HERC1: variants seen among roughly 807,000 people sequenced by gnomAD.
HERC1 encodes the protein probable E3 ubiquitin-protein ligase HERC1.
HERC1 carries 160 observed loss-of-function variants against 554.3 expected under a neutral mutation model. The ratio of observed to expected loss-of-function variants is 0.29; its 90% confidence interval spans 0.25 to 0.33. The LOEUF is 0.33. Ranked by LOEUF, HERC1 falls within the 10% of genes least tolerant of loss-of-function variation. HERC1 has a pLI of 1.00. For synonymous variants in HERC1, 2,175 were observed against 2,131.7 expected (o/e 1.02, Z -0.56); for missense variants, 4,919 against 5,918.5 (o/e 0.83, Z 5.54).
intron 58 of HERC1, 54 bp downstream of exon 58, chr15:63,643,350 T>C: frequency 1.3e-6 from 2 of 1,482,380 alleles, no homozygotes; most frequent in Non-Finnish European, 1.9e-6. Flanking sequence ...ATCACATGTG[T>C]TTAAGTTAGT....
At chr15:63,613,838 TA>T (rs1203516712) in intron 76 of HERC1, among the ~76,000 whole-genome samples, 1 of 151,694 alleles carries the variant, frequency 6.6e-6, no homozygotes, top group Non-Finnish European at 1.5e-5. Flanking sequence ...AATAAAATAA[TA>T]AAAAACTGGC....
At chr15:63,757,854 C>T (rs2075481268) in intron 4 of HERC1, among the ~76,000 whole-genome samples, 1 of 152,058 alleles carries the variant, frequency 6.6e-6, no homozygotes, top group South Asian at 2.1e-4. Context: ...GGACTACAGG[C>T]ATGCGCCACC....
At position 63,626,070 on chromosome 15, in the gene HERC1, A is replaced by G. The variant is rs1450375051; in HGVS notation, c.13190T>C (p.Val4397Ala). 6.2e-7 allele frequency: 1 copy of G among 1,613,676 alleles called. No homozygotes were observed. Among genetic ancestry groups the G allele is most frequent in the Non-Finnish European group, 8.5e-7 (1 of 1,179,760 alleles). The part of the protein sequence containing the change: ...GALREVSIHT[V>A]RARLRLLYHF... ...GTAGAGCAGCCGGAGCCTGGCCCGC[A>G]CCGTGTGAATGCTGACTTCTCTCAG... Residue 4397 changes from valine to alanine, a missense_variant, in exon 71 of 78, where the codon GTG becomes GCG. Physicochemically the swap from Val to Ala is moderately conservative, Grantham distance 64 (BLOSUM62 0). Transcript: ENST00000443617.
intron 51 of HERC1, among the ~76,000 whole-genome samples, chr15:63,653,090 C>T (rs534028055): frequency 1.3e-5 from 2 of 152,262 alleles, no homozygotes; most frequent in South Asian, 2.1e-4. Flanking sequence ...TTAATAAGTA[C>T]TTTAACATTT....
Position 63,615,774 on chromosome 15 carries a change from G to C in HERC1, c.14088C>G (p.Asp4696Glu), listed in dbSNP as rs764197624. ...RAIEYRLHEMDRQVAAVREGM... is the reference protein window; with the variant it reads ...RAIEYRLHEMERQVAAVREGM... ...CCGAGATGTTTCATCTCACCTGTCTGTCCATCTCATGAAGTCGATATTCAA... is the reference window on the plus strand; with the variant it reads ...CCGAGATGTTTCATCTCACCTGTCTCTCCATCTCATGAAGTCGATATTCAA... The change falls in exon 76 of 78, where the codon GAC becomes GAG. Residue 4696 changes from aspartate to glutamate, a missense_variant. Physicochemically the swap from Asp to Glu is conservative, Grantham distance 45 (BLOSUM62 2). Coordinates refer to ENST00000443617, the MANE Select transcript of HERC1 (RefSeq NM_003922.4). 3.1e-6 allele frequency: 5 copies of C among 1,589,832 alleles called. No homozygotes were observed. The highest frequency in any genetic ancestry group is 2.6e-6 in the Non-Finnish European group (3 of 1,171,006).
At chr15:63,817,692 G>A (rs2077540232) in intron 1 of HERC1, among the ~76,000 whole-genome samples, 1 of 152,148 alleles carries the variant, frequency 6.6e-6, no homozygotes, top group African/African-American at 2.4e-5. Flanking sequence ...TCCAGTGTGG[G>A]TGACACAGCG....
intron 66 of HERC1, 72 bp downstream of exon 66, chr15:63,634,661 G>T: frequency 2.3e-6 from 3 of 1,286,504 alleles, no homozygotes; most frequent in South Asian, 1.4e-5. Context: ...ATCTTCCTGA[G>T]GGTGTCTAAG....
chr15:63,651,303 T>C lies in HERC1; in HGVS notation c.10496A>G (p.Lys3499Arg), dbSNP rs1222338773. Residue 3499 changes from lysine to arginine, a missense_variant, in exon 53 of 78, where the codon AAA becomes AGA. Lys to Arg is a conservative substitution (Grantham distance 26). Coordinates refer to ENST00000443617, the MANE Select transcript of HERC1 (RefSeq NM_003922.4). ...CTTTTCCAAAGCGCCTGCTAGATAT[T>C]TGCCACTGATACTCCAGGAAACTGG... ...FSPVSWSISG[K>R]YLAGALEKMV... 1.2e-6 allele frequency: 2 copies of C among 1,613,764 alleles called. No homozygotes were observed. Among genetic ancestry groups the C allele is most frequent in the Admixed American group, 1.7e-5 (1 of 60,012 alleles).
At chr15:63,735,641 C>T (rs556936195) in intron 12 of HERC1, among the ~76,000 whole-genome samples, 12 of 152,054 alleles carry the variant, frequency 7.9e-5, no homozygotes, top group African/African-American at 2.9e-4. Context: ...TATCTTAGGC[C>T]TCATAACTTC....
At chr15:63,630,767 A>G in intron 68 of HERC1, 132 bp from the exon 69 acceptor site, 1 of 822,634 alleles carries the variant, frequency 1.2e-6, no homozygotes, top group South Asian at 2.1e-5. Flanking sequence ...CTGAGGCTAA[A>G]GCTGCTATTC....
In HERC1 at chr15:63,755,130, G is replaced by T. The variant is rs1416225830; in HGVS notation, c.1630+99C>A. 3 of 760,666 alleles carry T rather than the reference G, an allele frequency of 3.9e-6. No individual in the cohort carries two copies. In the Admixed American group the frequency reaches 6.5e-5, roughly 17 times the overall value. The allele number at this position is 760,666 out of a possible 1,614,324, so 47.1% of individuals were successfully genotyped here. On this transcript the variant is annotated intron_variant, in intron 6 of 77. Transcript: ENST00000443617. ...CTGAGCTTAAACTAACAAAATAAAT[G>T]ACAGTCTTTGGCCTAGTAAATCTGC...
intron 21 of HERC1, among the ~76,000 whole-genome samples, chr15:63,716,800 A>C (rs775735011): frequency 6.6e-6 from 1 of 152,234 alleles, no homozygotes; most frequent in Non-Finnish European, 1.5e-5. Flanking sequence ...CATGATACCA[A>C]GCATAAAAGG....
intron 19 of HERC1, among the ~76,000 whole-genome samples, chr15:63,720,889 C>T (rs2073790399): frequency 6.6e-6 from 1 of 152,122 alleles, no homozygotes; most frequent in Non-Finnish European, 1.5e-5. Flanking sequence ...TAATGGGTTC[C>T]TTTAAAACAC....
At chr15:63,712,295 GGA>G (rs1224981599) in intron 24 of HERC1, among the ~76,000 whole-genome samples, 18 of 152,214 alleles carry the variant, frequency 1.2e-4, no homozygotes, top group Non-Finnish European at 2.4e-4. Context: ...GAAAGGGAGA[GGA>G]GAGGACATTG....
chr15:63,797,187 G>T (rs962374695), intron 1 of HERC1, among the ~76,000 whole-genome samples: 1 of 152,146 alleles, frequency 6.6e-6, no homozygotes, highest in Non-Finnish European at 1.5e-5. Flanking sequence ...CTAATGAAAG[G>T]CCACAAGGTT....
At chr15:63,658,076 T>C (rs931714324) in intron 48 of HERC1, among the ~76,000 whole-genome samples, 2 of 152,198 alleles carry the variant, frequency 1.3e-5, no homozygotes, top group African/African-American at 2.4e-5. Flanking sequence ...CTTCACTGAT[T>C]TGCCATTAAA....
Position 63,649,859 on chromosome 15 carries a change from G to T in HERC1, c.10613C>A (p.Pro3538Gln). Residue 3538 changes from proline to glutamine, a missense_variant, in exon 54 of 78, where the codon CCG becomes CAG. Coordinates refer to ENST00000443617, the MANE Select transcript of HERC1 (RefSeq NM_003922.4). ...AGACTCTCCTGACCAGGCTGTAGCC[G>T]GACCCTCTTCTGGCCAAGCCAGGGC... Reference protein sequence around the residue: ...VSALAWPEEGPATAWSGESPE... With the variant: ...VSALAWPEEGQATAWSGESPE... 1.2e-6 allele frequency: 2 copies of T among 1,612,788 alleles called. No individual in the cohort carries two copies. The highest frequency in any genetic ancestry group is 1.7e-6 in the Non-Finnish European group (2 of 1,179,422).
chr15:63,747,982 T>G lies in HERC1; in HGVS notation c.2220-124A>C, dbSNP rs2075116241. ...GGCTCATGCCTGTAATCCTAGCACT[T>G]TGGGAGGCCAAGGAATGCAGATTAC... is the stretch of plus-strand genomic sequence containing the variant. On this transcript the variant is annotated intron_variant, in intron 10 of 77. Coordinates refer to ENST00000443617, the MANE Select transcript of HERC1 (RefSeq NM_003922.4). 5 of 906,864 alleles carry G rather than the reference T, an allele frequency of 5.5e-6. No homozygotes were observed. In the South Asian group the frequency reaches 7.5e-5, roughly 14 times the overall value. 56.2% of individuals were successfully genotyped at this position (906,864 alleles called of 1,614,324 possible). A position where few individuals can be genotyped will look rare whatever the true frequency, so the allele number is the denominator to read the frequency against.
rs144522472 is a variant in HERC1, at chr15:63,829,051, C to T, written c.-27+4776G>A. Among the ~76,000 whole-genome samples the T allele has an allele frequency of 1.3e-3, 194 of 152,068 alleles. 1 individual carries two copies. Among genetic ancestry groups the T allele is most frequent in the African/African-American group, 4.5e-3 (188 of 41,466 alleles). ...AGGTTTCTGACAGAGACAGAAGGAA[C>T]GGGAGAAGGTTAGAATGAACTTTGT... On this transcript the variant is annotated intron_variant, in intron 1 of 77. Coordinates refer to ENST00000443617, the MANE Select transcript of HERC1 (RefSeq NM_003922.4).
Sources: gnomAD v4.1 joint callset for allele counts (sites outside exome capture counted in the v4.1 genomes callset) on GRCh38, gnomAD v4.1.1 for gene constraint, MANE v1.5 for transcripts, NCBI Gene and HGNC (gene_info 2026-07-23, HGNC 2026-07-21) for gene names.